SYBU: variants seen among roughly 807,000 people sequenced by gnomAD.
The protein encoded by SYBU is syntabulin.
A neutral mutation model predicts 35.9 loss-of-function variants in SYBU; 21 were observed. The observed-to-expected ratio is 0.58, with a 90% CI of 0.41 to 0.84. The LOEUF (loss-of-function observed/expected upper bound fraction) is 0.84, where lower values mean the gene tolerates loss of function less well. Ranked by LOEUF, SYBU falls within the 40% of genes least tolerant of loss-of-function variation. The probability of loss-of-function intolerance (pLI) is 0.00; values close to 1 mark genes in which losing one functional copy is unlikely to be tolerated. For synonymous variants in SYBU, 319 were observed against 324.3 expected (o/e 0.98, Z 0.18); for missense variants, 768 against 848.2 (o/e 0.91, Z 1.17).
Position 109,687,236 on chromosome 8 carries a change from G to A in SYBU, c.-58+4097C>T, listed in dbSNP as rs1362466579. On this transcript the variant is annotated intron_variant, in intron 1 of 7. Transcript: ENST00000422135. ...TCATTTAATACTGATGAAAAACTAAGAGAACACATAACTTTCTAGTGACTC... is the reference window on the plus strand; with the variant it reads ...TCATTTAATACTGATGAAAAACTAAAAGAACACATAACTTTCTAGTGACTC... Among the ~76,000 whole-genome samples, 8 of 152,100 alleles carry A rather than the reference G, an allele frequency of 5.3e-5. No individual in the cohort carries two copies. In the East Asian group the frequency reaches 1.5e-3, roughly 29 times the overall value.
At chr8:109,601,516 T>A (rs966579939) in intron 3 of SYBU, among the ~76,000 whole-genome samples, 18 of 152,062 alleles carry the variant, frequency 1.2e-4, no homozygotes, top group Non-Finnish European at 2.2e-4. Context: ...AACCAGGATA[T>A]AAGGCAGAAT....
At chr8:109,655,713 A>G (rs960108769) in intron 1 of SYBU, among the ~76,000 whole-genome samples, 2 of 152,206 alleles carry the variant, frequency 1.3e-5, no homozygotes, top group African/African-American at 4.8e-5. Context: ...CTAAGTGAGA[A>G]TTTATTTTAC....
At chr8:109,676,892 T>C (rs184911895) in intron 1 of SYBU, among the ~76,000 whole-genome samples, 2 of 152,324 alleles carry the variant, frequency 1.3e-5, no homozygotes, top group Non-Finnish European at 2.9e-5. Flanking sequence ...ATTGGATTGC[T>C]TTGGCAGTAG....
upstream of SYBU, chr8:109,645,474 G>C (rs1353837453): frequency 1.6e-5 from 6 of 373,602 alleles, no homozygotes; most frequent in Non-Finnish European, 3.2e-5. Flanking sequence ...CCCCAGCGCT[G>C]CCCTGCAGCT....
chr8:109,577,705 C>T (rs966567752), intron 6 of SYBU, among the ~76,000 whole-genome samples, 163 bp downstream of exon 6: 6 of 152,178 alleles, frequency 3.9e-5, no homozygotes, highest in African/African-American at 1.2e-4. Flanking sequence ...CCATATCACA[C>T]AGAGTTATGA....
At chr8:109,582,103 T>C (rs1823095134) in intron 4 of SYBU, among the ~76,000 whole-genome samples, 1 of 152,190 alleles carries the variant, frequency 6.6e-6, no homozygotes, top group African/African-American at 2.4e-5. Flanking sequence ...GAAGATTAGC[T>C]ATTACACCTT....
At chr8:109,690,653 C>T (rs1177371879) in intron 1 of SYBU, among the ~76,000 whole-genome samples, 6 of 152,160 alleles carry the variant, frequency 3.9e-5, no homozygotes, top group African/African-American at 1.4e-4. Flanking sequence ...CTTTCAGAAT[C>T]TCTTTCCACA....
chr8:109,670,420 CTT>C (rs1816937661), intron 1 of SYBU, among the ~76,000 whole-genome samples: 1 of 151,148 alleles, frequency 6.6e-6, no homozygotes, highest in African/African-American at 2.4e-5. Context: ...AACAATTAGA[CTT>C]TTCTTATTTA....
upstream of SYBU, chr8:109,647,939 GT>G (rs1485519797): frequency 6.6e-6 from 1 of 152,156 alleles, no homozygotes; most frequent in African/African-American, 2.4e-5. Context: ...TAAAAGGCAA[GT>G]TTTACCGATG....
At chr8:109,651,898 A>AC (rs1213243188) in intron 1 of SYBU, among the ~76,000 whole-genome samples, 9 of 152,184 alleles carry the variant, frequency 5.9e-5, no homozygotes, top group African/African-American at 2.2e-4. Context: ...GAGGACACTG[A>AC]ATTTCTCATT....
chr8:109,607,986 G>A, intron 3 of SYBU: 1 of 1,533,020 alleles, frequency 6.5e-7, no homozygotes, highest in Non-Finnish European at 8.7e-7. Context: ...GCTGGGGTAT[G>A]TCTTTTGCAG....
chr8:109,581,318 A>T (rs1352377155), intron 4 of SYBU, among the ~76,000 whole-genome samples: 1 of 152,190 alleles, frequency 6.6e-6, no homozygotes, highest in East Asian at 1.9e-4. Context: ...GCCACTTAAC[A>T]TGGGGATCAA....
Position 109,574,018 on chromosome 8 carries a change from T to G in SYBU, c.*888A>C, listed in dbSNP as rs1255374869. On this transcript the variant is annotated 3_prime_UTR_variant, in exon 7 of 7. Coordinates refer to ENST00000276646, the MANE Select transcript of SYBU (RefSeq NM_001099754.2). ...ATCTACTTTTATTCAGAAATGATGCTTTTTAAGTAAGGGTAGGAAATCTTC... is the reference window on the plus strand; with the variant it reads ...ATCTACTTTTATTCAGAAATGATGCGTTTTAAGTAAGGGTAGGAAATCTTC... 6.6e-6 allele frequency: 1 copy of G among 152,222 alleles called. No individual in the cohort carries two copies. The highest frequency in any genetic ancestry group is 1.5e-5 in the Non-Finnish European group (1 of 68,042). The allele number at this position is 152,222 out of a possible 1,614,324, so 9.4% of individuals were successfully genotyped here.
chr8:109,604,416 C>T (rs1286620578), intron 3 of SYBU, among the ~76,000 whole-genome samples: 1 of 152,200 alleles, frequency 6.6e-6, no homozygotes, highest in Non-Finnish European at 1.5e-5. Context: ...GGACACTACG[C>T]TTCCTCCTGA....
intron 2 of SYBU, among the ~76,000 whole-genome samples, chr8:109,632,238 G>T (rs1813706334): frequency 6.6e-6 from 1 of 152,190 alleles, no homozygotes; most frequent in Admixed American, 6.5e-5. Flanking sequence ...TCGGGGTTTT[G>T]TCCTGTTGGC....
chr8:109,638,519 C>G (rs1814487191), intron 2 of SYBU, among the ~76,000 whole-genome samples: 1 of 151,912 alleles, frequency 6.6e-6, no homozygotes, highest in Non-Finnish European at 1.5e-5. Flanking sequence ...CTGGTTTAAA[C>G]AAACAAACAA....
chr8:109,671,777 C>T lies in SYBU; in HGVS notation c.-129+8934G>A, dbSNP rs568866448. 9.2e-5 allele frequency among the ~76,000 whole-genome samples: 14 copies of T among 152,186 alleles called. No homozygotes were observed. The South Asian group carries it at 2.7e-3, about 29-fold the overall frequency. The stretch of plus-strand genomic sequence containing the variant: ...TATGACTTAATATGCACAAAAGATG[C>T]TATGGGTACTTTATAAATATTTAGT... On this transcript the variant is annotated intron_variant, in intron 1 of 5. Transcript: ENST00000408889.
intron 2 of SYBU, among the ~76,000 whole-genome samples, chr8:109,623,053 G>A (rs928065268): frequency 1.3e-4 from 20 of 149,442 alleles, no homozygotes; most frequent in Middle Eastern, 3.4e-3. Flanking sequence ...ACACACAAAC[G>A]CACACCCCTC....
intron 1 of SYBU, among the ~76,000 whole-genome samples, chr8:109,662,992 T>C (rs1254819673): frequency 1.3e-5 from 2 of 152,168 alleles, no homozygotes; most frequent in Non-Finnish European, 2.9e-5. Context: ...TAAGACATTT[T>C]ATGATGTCAC....
Sources: gnomAD v4.1 joint callset for allele counts (sites outside exome capture counted in the v4.1 genomes callset) on GRCh38, gnomAD v4.1.1 for gene constraint, MANE v1.5 for transcripts, NCBI Gene and HGNC (gene_info 2026-07-23, HGNC 2026-07-21) for gene names.